The following HMCN1 variants were observed in gnomAD, a reference collection of about 807,000 sequenced individuals.
HMCN1 encodes the protein hemicentin-1.
In HMCN1, 321 loss-of-function variants were observed where a neutral mutation model predicts 625.9. The ratio of observed to expected loss-of-function variants is 0.51; its 90% confidence interval spans 0.47 to 0.56. The LOEUF is 0.56. HMCN1 is among the 20% of genes least tolerant of loss of function. The probability of loss-of-function intolerance (pLI) is 0.00; values close to 1 mark genes in which losing one functional copy is unlikely to be tolerated. For synonymous variants in HMCN1, 2,425 were observed against 2,417.6 expected, an observed-to-expected ratio of 1.00 and a Z score of -0.09; for missense variants, 6,588 against 6,887.3, an observed-to-expected ratio of 0.96 and a Z score of 1.54.
intron 10 of HMCN1, among the ~76,000 whole-genome samples, chr1:185,929,761 T>A (rs1050706565): frequency 6.6e-6 from 1 of 152,198 alleles, no homozygotes; most frequent in East Asian, 1.9e-4. Flanking sequence ...CAGACAAGCA[T>A]GTTCTTGCAG....
chr1:185,896,071 G>T (rs2102422914), intron 4 of HMCN1, among the ~76,000 whole-genome samples: 1 of 151,954 alleles, frequency 6.6e-6, no homozygotes, highest in Non-Finnish European at 1.5e-5. Flanking sequence ...GAGTAGCTGG[G>T]ACTACAGGCG....
intron 36 of HMCN1, among the ~76,000 whole-genome samples, chr1:186,032,549 T>A (rs148695656): frequency 5.3e-4 from 80 of 152,242 alleles, no homozygotes; most frequent in Admixed American, 1.6e-3. Flanking sequence ...ACCTTTGCTC[T>A]GCACTGCTCC....
In HMCN1 at chr1:185,993,262, C is replaced by T. The variant is rs774598089; in HGVS notation, c.3458C>T (p.Thr1153Ile). ...AGTGGGATGTATCTTTGTGTTGCCA[C>T]AAATATTGCTGGGAATGTGACTCAG... ...SDSGMYLCVA[T>I]NIAGNVTQAV... The change falls in exon 23 of 107, where the codon ACA becomes ATA. Residue 1153 changes from threonine to isoleucine, a missense_variant. Thr to Ile is a moderately conservative substitution (Grantham distance 89). This residue lies in a region of HMCN1 where 4,628 missense variants were observed against 4,853.1 expected (regional missense o/e 0.95). Transcript: ENST00000271588. 1.6e-5 allele frequency: 26 copies of T among 1,613,068 alleles called. No individual in the cohort carries two copies. The highest frequency in any genetic ancestry group is 2.2e-5 in the Non-Finnish European group (26 of 1,179,322).
At chr1:186,180,030 A>G (rs1289776607) in intron 104 of HMCN1, among the ~76,000 whole-genome samples, 1 of 152,184 alleles carries the variant, frequency 6.6e-6, no homozygotes, top group East Asian at 1.9e-4. Context: ...TTAGCTTACC[A>G]GAATTGTTGA....
intron 11 of HMCN1, among the ~76,000 whole-genome samples, chr1:185,944,295 A>T (rs558955739): frequency 6.6e-6 from 1 of 152,294 alleles, no homozygotes; most frequent in Admixed American, 6.5e-5. Flanking sequence ...GAAGGATAAG[A>T]TTGACTTTGA....
chr1:185,828,072 G>A (rs529164526), intron 1 of HMCN1, among the ~76,000 whole-genome samples: 43 of 152,184 alleles, frequency 2.8e-4, no homozygotes, highest in Admixed American at 5.2e-4. Flanking sequence ...GAAATATCAG[G>A]AAATTTTTAG....
At chr1:186,146,523 C>A (rs114255396) in intron 93 of HMCN1, among the ~76,000 whole-genome samples, 5 of 152,242 alleles carry the variant, frequency 3.3e-5, no homozygotes, top group African/African-American at 1.2e-4. Context: ...CCAACAATAA[C>A]GGTTTTATAT....
intron 1 of HMCN1, among the ~76,000 whole-genome samples, chr1:185,799,223 T>A (rs528820521): frequency 6.0e-4 from 91 of 152,278 alleles, no homozygotes; most frequent in Non-Finnish European, 9.1e-4. Flanking sequence ...AGGCTCATAG[T>A]CTCCTGCAGA....
chr1:185,934,462 G>T (rs1667714161), intron 11 of HMCN1, among the ~76,000 whole-genome samples: 1 of 152,144 alleles, frequency 6.6e-6, no homozygotes, highest in East Asian at 1.9e-4. Context: ...ACAAGTTTAT[G>T]AGCAATGTGG....
chr1:186,068,133 C>A, intron 50 of HMCN1, 126 bp downstream of exon 50: 1 of 945,382 alleles, frequency 1.1e-6, no homozygotes, highest in Non-Finnish European at 1.7e-6. Flanking sequence ...TCTGTGCAGC[C>A]TGGTTCCTAA....
At chr1:186,121,015 G>A (rs1661372280) in intron 80 of HMCN1, among the ~76,000 whole-genome samples, 1 of 152,190 alleles carries the variant, frequency 6.6e-6, no homozygotes, top group African/African-American at 2.4e-5. Flanking sequence ...AGGTTTCTCT[G>A]AGGAAGTAAT....
chr1:185,867,089 T>C (rs1340496395), intron 4 of HMCN1, among the ~76,000 whole-genome samples: 1 of 152,188 alleles, frequency 6.6e-6, no homozygotes, highest in Non-Finnish European at 1.5e-5. Flanking sequence ...AATAGGACAT[T>C]ACAAATTTCT....
chr1:186,023,486 T>A (rs1181839639), intron 36 of HMCN1, among the ~76,000 whole-genome samples: 1 of 152,156 alleles, frequency 6.6e-6, no homozygotes, highest in Non-Finnish European at 1.5e-5. Context: ...TGTTTCTTAA[T>A]CTTGTCTGCG....
chr1:186,062,234 T>C (rs1657750919), intron 47 of HMCN1, among the ~76,000 whole-genome samples: 1 of 152,124 alleles, frequency 6.6e-6, no homozygotes. Flanking sequence ...AGAGTTATAG[T>C]GGAAGAAATA....
intron 8 of HMCN1, among the ~76,000 whole-genome samples, chr1:185,924,336 T>C (rs1667163379): frequency 6.8e-6 from 1 of 147,604 alleles, no homozygotes; most frequent in Non-Finnish European, 1.5e-5. Context: ...GTTCACGTCA[T>C]TCTCCTGCCT....
At chr1:185,930,907 TAC>T (rs3030426) in intron 10 of HMCN1, among the ~76,000 whole-genome samples, 3,912 of 138,222 alleles carry the variant, frequency 0.028, 60 homozygotes, top group African/African-American at 0.055. Flanking sequence ...TTTCACCCAA[TAC>T]ACACACACAC....
rs553489900 is a variant in HMCN1, at chr1:185,764,172, T to C, written c.268+29125T>C. On this transcript the variant is annotated intron_variant, in intron 1 of 106. Coordinates refer to ENST00000271588, the MANE Select transcript of HMCN1 (RefSeq NM_031935.3). ...TTCAGGAGAGAGAAATACTTGTTAA[T>C]TGACATTTTGAGAAGAGAAGCCTAT... Among the ~76,000 whole-genome samples, 11 of 152,268 alleles carry C rather than the reference T, an allele frequency of 7.2e-5. No individual in the cohort carries two copies. In the South Asian group the frequency reaches 2.3e-3, roughly 32 times the overall value.
rs1434845949 is a variant in HMCN1, at chr1:186,016,995, T to A, written c.5224T>A (p.Ser1742Thr). Residue 1742 changes from serine to threonine, a missense_variant, in exon 33 of 107, where the codon TCT (serine) becomes ACT (threonine). Ser to Thr is a moderately conservative substitution (Grantham distance 58). Transcript: ENST00000271588. Reference protein sequence around the residue: ...PPAIEGGDETSYFIVMVNNLL... With the variant: ...PPAIEGGDETTYFIVMVNNLL... Reference sequence around the variant, plus strand: ...AGCTATAGAAGGAGGAGATGAAACATCTTACTTCATTGTGATGGTTAATAA... The same window carrying A: ...AGCTATAGAAGGAGGAGATGAAACAACTTACTTCATTGTGATGGTTAATAA... 2 of 1,608,296 alleles carry A rather than the reference T, an allele frequency of 1.2e-6. No homozygotes were observed. Among genetic ancestry groups the A allele is most frequent in the Non-Finnish European group, 1.7e-6 (2 of 1,175,024 alleles).
At chr1:186,097,451 AC>A (rs1265811062) in intron 68 of HMCN1, among the ~76,000 whole-genome samples, 1 of 151,976 alleles carries the variant, frequency 6.6e-6, no homozygotes, top group African/African-American at 2.4e-5. Flanking sequence ...TTTGGTATTC[AC>A]AGAGGGTCTG....
Sources: gnomAD v4.1 joint callset for allele counts (sites outside exome capture counted in the v4.1 genomes callset) on GRCh38, gnomAD v4.1.1 for gene constraint, gnomAD v4.1.1 regional missense constraint, MANE v1.5 for transcripts, NCBI Gene and HGNC (gene_info 2026-07-23, HGNC 2026-07-21) for gene names.